Variants in MIGA1 observed in about 807,000 individuals in gnomAD.
MIGA1 encodes mitoguardin 1.
In MIGA1, 58 loss-of-function variants were observed where a neutral mutation model predicts 82.0. The observed-to-expected ratio is 0.71, with a 90% CI of 0.57 to 0.88. The LOEUF is 0.88. MIGA1 is among the 40% of genes least tolerant of loss of function. The pLI is 0.00. For synonymous variants in MIGA1, 249 were observed against 253.6 expected (o/e 0.98, Z 0.17); for missense variants, 751 against 749.1 (o/e 1.00, Z -0.03).
intron 8 of MIGA1, among the ~76,000 whole-genome samples, chr1:77,844,111 A>ATATATATAT (rs1333128709): frequency 1.9e-5 from 1 of 53,800 alleles, no homozygotes; most frequent in African/African-American, 6.3e-5. Flanking sequence ...AAAAAAAAAA[A>ATATATATAT]AAATATATAT....
chr1:77,792,786 CT>C lies in MIGA1; in HGVS notation c.196-8526del, dbSNP rs888755051. On this transcript the variant is annotated intron_variant, in intron 2 of 15. Transcript: ENST00000370791. ...CCCATTTTCTAAATTGGATTGTTTG[CT>C]TTTTTTTTTTTTTTTTTTGAGATGG... Among the ~76,000 whole-genome samples the C allele has an allele frequency of 2.4e-3, 287 of 121,600 alleles. 2 individuals are homozygous for C. The highest frequency in any genetic ancestry group is 6.1e-3 in the African/African-American group (203 of 33,072). The allele number at this position is 121,600 out of a possible 152,430, so 79.8% of individuals were successfully genotyped here. A position where few individuals can be genotyped will look rare whatever the true frequency, so the allele number is the denominator to read the frequency against.
intron 2 of MIGA1, among the ~76,000 whole-genome samples, chr1:77,791,784 G>C (rs1682439750): frequency 6.6e-6 from 1 of 151,846 alleles, no homozygotes; most frequent in South Asian, 2.1e-4. Context: ...GGCTGGTCTT[G>C]AACTCCTGAC....
At position 77,843,371 on chromosome 1, in the gene MIGA1, C is replaced by T. The variant is rs145894783; in HGVS notation, c.960C>T (p.Ser320=). ...ACTTTGGCCTGCGAGACACCTTGAGCATCGCATCCACGGATTCCTTTGCTT... is the reference window on the plus strand; with the variant it reads ...ACTTTGGCCTGCGAGACACCTTGAGTATCGCATCCACGGATTCCTTTGCTT... Residue 320 remains serine (S), a synonymous_variant, in exon 8 of 16, where the codon AGC becomes AGT. Coordinates refer to ENST00000370791, the MANE Select transcript of MIGA1 (RefSeq NM_198549.4). The T allele has an allele frequency of 8.8e-4, 1,421 of 1,613,982 alleles. 1 individual carries two copies. Among genetic ancestry groups the T allele is most frequent in the Non-Finnish European group, 1.1e-3 (1,355 of 1,179,852 alleles).
At chr1:77,856,826 G>A (rs1307507581) in intron 8 of MIGA1, among the ~76,000 whole-genome samples, 1 of 151,936 alleles carries the variant, frequency 6.6e-6, no homozygotes, top group African/African-American at 2.4e-5. Context: ...CAAAGAGCCA[G>A]CTTTTTGTTT....
intron 7 of MIGA1, among the ~76,000 whole-genome samples, chr1:77,832,898 T>G (rs1465927508): frequency 6.6e-6 from 1 of 152,186 alleles, no homozygotes; most frequent in African/African-American, 2.4e-5. Flanking sequence ...TTTATAAGAT[T>G]TTATTGAGTC....
chr1:77,780,321 TGTG>T (rs1178100934), intron 1 of MIGA1: 1 of 261,684 alleles, frequency 3.8e-6, no homozygotes, highest in Non-Finnish European at 5.9e-6. Context: ...ACGGGAGTAT[TGTG>T]GTGTCAGGTC....
At chr1:77,865,512 G>A (rs1169790189) in intron 13 of MIGA1, among the ~76,000 whole-genome samples, 1 of 152,054 alleles carries the variant, frequency 6.6e-6, no homozygotes, top group Non-Finnish European at 1.5e-5. Flanking sequence ...AGGTTCACTT[G>A]AGCCTTGGAG....
intron 12 of MIGA1, among the ~76,000 whole-genome samples, chr1:77,862,795 G>A (rs543014895): frequency 1.3e-5 from 2 of 152,054 alleles, no homozygotes; most frequent in South Asian, 4.2e-4. Context: ...ACAAAAATTA[G>A]CCAGGCATGG....
In MIGA1 at chr1:77,874,905, T is replaced by C. The variant is rs1207287728; in HGVS notation, c.1740T>C (p.Ser580=). The C allele has an allele frequency of 1.9e-6, 3 of 1,614,174 alleles. No homozygotes were observed. The highest frequency in any genetic ancestry group is 2.2e-5 in the South Asian group (2 of 91,082). The change falls in exon 16 of 16, where the codon AGT becomes AGC. Residue 580 remains serine (S), a synonymous_variant. Transcript: ENST00000370791. ...ACTTTGAGAAGGTGCGCTATTCAAG[T>C]ACAGAGACTTTAGCTGAAGACCTCA...
At chr1:77,804,426 T>C (rs1173383555) in intron 4 of MIGA1, among the ~76,000 whole-genome samples, 2 of 152,084 alleles carry the variant, frequency 1.3e-5, no homozygotes, top group Non-Finnish European at 2.9e-5. Flanking sequence ...CAAAAGAATA[T>C]ACAATGAGAG....
intron 7 of MIGA1, among the ~76,000 whole-genome samples, chr1:77,842,104 ATAG>A (rs1313406445): frequency 6.6e-6 from 1 of 152,138 alleles, no homozygotes; most frequent in Non-Finnish European, 1.5e-5. Context: ...TTTAAAGAAG[ATAG>A]TGTCTGACAA....
chr1:77,870,752 T>G (rs1246711371), intron 14 of MIGA1, among the ~76,000 whole-genome samples: 6 of 149,790 alleles, frequency 4.0e-5, no homozygotes, highest in Non-Finnish European at 7.5e-5. Flanking sequence ...GTGGAGGTTG[T>G]AGCGAGCCGA....
intron 13 of MIGA1, among the ~76,000 whole-genome samples, chr1:77,864,937 A>C (rs1026580898): frequency 6.6e-4 from 101 of 152,348 alleles, no homozygotes; most frequent in African/African-American, 2.4e-3. Context: ...TACCTTTAAA[A>C]AAATGTTCCA....
intron 8 of MIGA1, among the ~76,000 whole-genome samples, chr1:77,849,168 G>A (rs1049959131): frequency 2.9e-4 from 44 of 152,272 alleles, no homozygotes; most frequent in African/African-American, 1.1e-3. Context: ...GGGAGGCCGA[G>A]GCAGAAGGAT....
chr1:77,789,201 CT>C (rs148055304), intron 2 of MIGA1, among the ~76,000 whole-genome samples: 119 of 108,832 alleles, frequency 1.1e-3, no homozygotes, highest in South Asian at 5.2e-3. Context: ...GGGGCGGTTG[CT>C]TTTTTTTTTT....
In MIGA1 at chr1:77,844,135, TATAGATAG is replaced by T. The variant is rs1238283613; in HGVS notation, c.996+752_996+759del. Among the ~76,000 whole-genome samples the T allele has an allele frequency of 2.6e-3, 288 of 112,444 alleles. 5 individuals carry two copies. Among genetic ancestry groups the T allele is most frequent in the African/African-American group, 3.9e-3 (102 of 26,054 alleles). 73.8% of individuals were successfully genotyped at this position (112,444 alleles called of 152,430 possible). ...AAAAATATATATATATATATATATA[TATAGATAG>T]ATAGATAGATAGATAGATAGATATA... On this transcript the variant is annotated intron_variant, in intron 8 of 15. Transcript: ENST00000370791.
intron 3 of MIGA1, among the ~76,000 whole-genome samples, chr1:77,802,538 C>T (rs745688504): frequency 2.0e-5 from 3 of 152,118 alleles, no homozygotes; most frequent in Non-Finnish European, 4.4e-5. Flanking sequence ...CTTTGGGAGG[C>T]CAAAGCAGGA....
chr1:77,850,866 T>TTTC (rs1685020360), intron 8 of MIGA1, among the ~76,000 whole-genome samples: 1 of 151,746 alleles, frequency 6.6e-6, no homozygotes, highest in African/African-American at 2.4e-5. Flanking sequence ...TTCTTTCTTT[T>TTTC]TTTTTTTGTT....
chr1:77,794,611 A>C (rs563416831), intron 2 of MIGA1, among the ~76,000 whole-genome samples: 1 of 152,286 alleles, frequency 6.6e-6, no homozygotes, highest in Non-Finnish European at 1.5e-5. Context: ...ATGGTGTCTC[A>C]TTCCTATAAT....
Sources: allele counts gnomAD v4.1 joint callset (sites outside exome capture counted in the v4.1 genomes callset), GRCh38; gene constraint gnomAD v4.1.1; transcripts MANE v1.5; gene names NCBI Gene and HGNC (gene_info 2026-07-23, HGNC 2026-07-21).